AKAP19: variants seen among roughly 807,000 people sequenced by gnomAD.
AKAP19 encodes small A-kinase anchoring protein.
At chr2:189,883,546 A>G in the AKAP19 span, among the ~76,000 whole-genome samples, 1 of 146,626 alleles carries the variant, frequency 6.8e-6, no homozygotes, top group African/African-American at 2.6e-5. Flanking sequence ...AGGATTTGGA[A>G]CAACCTTTTT....
chr2:190,056,438 A>G, the AKAP19 span: 1 of 152,562 alleles, frequency 6.6e-6, no homozygotes, highest in African/African-American at 2.4e-5. Context: ...ATACTTCTCC[A>G]AGTATGTTAT....
At chr2:190,036,085 C>T in the AKAP19 span, among the ~76,000 whole-genome samples, 5 of 152,046 alleles carry the variant, frequency 3.3e-5, no homozygotes, top group African/African-American at 1.2e-4. Context: ...AATTTTTTAG[C>T]GTTAAATTTC....
chr2:190,081,018 G>A, the AKAP19 span, among the ~76,000 whole-genome samples: 1 of 152,142 alleles, frequency 6.6e-6, no homozygotes, highest in South Asian at 2.1e-4. Flanking sequence ...CAGATGTAAA[G>A]GAAACTAAAA....
the AKAP19 span, among the ~76,000 whole-genome samples, chr2:189,932,182 G>T: frequency 6.6e-6 from 1 of 151,800 alleles, no homozygotes; most frequent in African/African-American, 2.4e-5. Flanking sequence ...ACAAATGGTC[G>T]TTAAAAAGTG....
the AKAP19 span, among the ~76,000 whole-genome samples, chr2:189,947,519 G>A: frequency 6.6e-6 from 1 of 152,072 alleles, no homozygotes; most frequent in Non-Finnish European, 1.5e-5. Context: ...TCACCAGAAA[G>A]ATGCAGGTTT....
At chr2:189,917,212 C>G in the AKAP19 span, 1 of 942,018 alleles carries the variant, frequency 1.1e-6, no homozygotes. Context: ...ATGCAGTGAT[C>G]AAAATACTTA....
At chr2:190,096,490 T>C in the AKAP19 span, among the ~76,000 whole-genome samples, 1 of 152,196 alleles carries the variant, frequency 6.6e-6, no homozygotes, top group African/African-American at 2.4e-5. Flanking sequence ...TTAGCAGGTA[T>C]GAAGCCTAGG....
At chr2:190,128,751 A>C in the AKAP19 span, among the ~76,000 whole-genome samples, 1 of 152,250 alleles carries the variant, frequency 6.6e-6, no homozygotes, top group Non-Finnish European at 1.5e-5. Flanking sequence ...ACAAAACAAA[A>C]CAAACAACAA....
chr2:190,172,364 A>G, the AKAP19 span, among the ~76,000 whole-genome samples: 2 of 152,180 alleles, frequency 1.3e-5, no homozygotes, highest in Non-Finnish European at 2.9e-5. Context: ...GGCTGGCTCT[A>G]TGTTGGAATT....
At chr2:190,067,115 A>G in the AKAP19 span, among the ~76,000 whole-genome samples, 1 of 152,156 alleles carries the variant, frequency 6.6e-6, no homozygotes, top group Non-Finnish European at 1.5e-5. Context: ...TATCATTAAT[A>G]TTTAACACAT....
At chr2:190,029,592 C>A in the AKAP19 span, among the ~76,000 whole-genome samples, 1 of 152,088 alleles carries the variant, frequency 6.6e-6, no homozygotes, top group Non-Finnish European at 1.5e-5. Context: ...GGTTGGCAAG[C>A]TTTTAGTTGT....
chr2:190,104,724 A>C, the AKAP19 span, among the ~76,000 whole-genome samples: 1 of 152,186 alleles, frequency 6.6e-6, no homozygotes, highest in African/African-American at 2.4e-5. Flanking sequence ...TGGGAGGTTG[A>C]GGCTGAGTGA....
chr2:189,985,480 C>T, the AKAP19 span, among the ~76,000 whole-genome samples: 2 of 152,182 alleles, frequency 1.3e-5, no homozygotes, highest in Non-Finnish European at 2.9e-5. Context: ...TCTGGATAGT[C>T]GGGAATGCAT....
the AKAP19 span, among the ~76,000 whole-genome samples, chr2:190,078,685 G>A: frequency 2.6e-5 from 4 of 151,832 alleles, no homozygotes; most frequent in African/African-American, 9.7e-5. Flanking sequence ...TTTCCCTCTT[G>A]GTGGGAGTAT....
the AKAP19 span, among the ~76,000 whole-genome samples, chr2:189,958,480 TTTAA>T: frequency 3.3e-5 from 5 of 149,462 alleles, no homozygotes; most frequent in African/African-American, 4.9e-5. Context: ...TATAGTAATA[TTTAA>T]TTAAGTAATA....
chr2:189,978,922 A>C, the AKAP19 span, among the ~76,000 whole-genome samples: 1 of 152,168 alleles, frequency 6.6e-6, no homozygotes, highest in African/African-American at 2.4e-5. Flanking sequence ...AACACTGATG[A>C]AAGAAATCAT....
At chr2:189,929,850 C>T in the AKAP19 span, among the ~76,000 whole-genome samples, 2 of 152,162 alleles carry the variant, frequency 1.3e-5, no homozygotes, top group South Asian at 2.1e-4. Context: ...AACCTTGACC[C>T]AAATGCCAGT....
chr2:190,173,963 C>G, the AKAP19 span, among the ~76,000 whole-genome samples: 2 of 152,106 alleles, frequency 1.3e-5, no homozygotes, highest in Non-Finnish European at 2.9e-5. Flanking sequence ...GTCACCTGCT[C>G]TGTCCTTAGT....
At chr2:190,017,147 G>A in the AKAP19 span, among the ~76,000 whole-genome samples, 3 of 151,934 alleles carry the variant, frequency 2.0e-5, no homozygotes, top group East Asian at 5.8e-4. Flanking sequence ...TTTTTCCTAT[G>A]CCTTCACTTT....
Sources: gnomAD v4.1 joint callset for allele counts (sites outside exome capture counted in the v4.1 genomes callset) on GRCh38, gnomAD v4.1.1 for gene constraint, MANE v1.5 for transcripts, NCBI Gene and HGNC (gene_info 2026-07-23, HGNC 2026-07-21) for gene names.